DNAH3: variants seen among roughly 807,000 people sequenced by gnomAD.
DNAH3 encodes axonemal beta dynein heavy chain 3.
In DNAH3, 332 loss-of-function variants were observed where a neutral mutation model predicts 432.5. The ratio of observed to expected loss-of-function variants is 0.77; its 90% CI spans 0.70 to 0.84. The LOEUF (loss-of-function observed/expected upper bound fraction) is 0.84. DNAH3 is among the 40% of genes least tolerant of loss of function. The pLI, the probability that DNAH3 is intolerant of heterozygous loss-of-function variation, is 0.00. For synonymous variants in DNAH3, 1,956 were observed against 1,900.2 expected (o/e 1.03, Z -0.76); for missense variants, 4,861 against 5,114.0 (o/e 0.95, Z 1.51).
chr16:21,058,497 C>T (rs1027223225), intron 26 of DNAH3, among the ~76,000 whole-genome samples: 2 of 152,142 alleles, frequency 1.3e-5, no homozygotes, highest in South Asian at 2.1e-4. Flanking sequence ...CTCATAACTA[C>T]TGTTTTTTAA....
Position 21,150,238 on chromosome 16 carries a change from T to TAA in DNAH3, c.118-4152_118-4151dup, listed in dbSNP as rs397692995. ...CAAAACTCTGTCTCAAAATAAAAAA[T>TAA]AAAAAAAAAAAATACAGGTAAAACA... On this transcript the variant is annotated intron_variant, in intron 1 of 61. Transcript: ENST00000261383. The TAA allele has an allele frequency of 5.0e-3, 1,914 of 381,248 alleles. 4 individuals are homozygous for TAA. The highest frequency in any genetic ancestry group is 7.4e-3 in the South Asian group (375 of 50,568). The allele number at this position is 381,248 out of a possible 1,614,324, so 23.6% of individuals were successfully genotyped here.
chr16:21,159,260 C>G, intron 1 of DNAH3: 1 of 1,370,020 alleles, frequency 7.3e-7, no homozygotes, highest in East Asian at 2.3e-5. Context: ...ACTAAGTACT[C>G]GACTCCCCTC....
At chr16:21,049,135 T>C (rs993045298) in intron 31 of DNAH3, among the ~76,000 whole-genome samples, 1 of 151,842 alleles carries the variant, frequency 6.6e-6, no homozygotes, top group Non-Finnish European at 1.5e-5. Context: ...CTGAGGCTAT[T>C]TTATTTTTGT....
chr16:20,981,455 T>G (rs934548599), intron 49 of DNAH3, among the ~76,000 whole-genome samples: 1 of 152,182 alleles, frequency 6.6e-6, no homozygotes, highest in Non-Finnish European at 1.5e-5. Flanking sequence ...TGATTGAGCC[T>G]GGGTGCGGTG....
intron 43 of DNAH3, 110 bp from the exon 44 acceptor site, chr16:20,997,572 A>T: frequency 1.6e-6 from 2 of 1,275,536 alleles, no homozygotes; most frequent in Non-Finnish European, 2.2e-6. Flanking sequence ...CCAGGTTTCC[A>T]TTCCCCATTC....
chr16:20,976,473 A>T (rs1228258422), intron 50 of DNAH3, among the ~76,000 whole-genome samples: 1 of 152,220 alleles, frequency 6.6e-6, no homozygotes, highest in Admixed American at 6.5e-5. Flanking sequence ...GATTACAGGC[A>T]TGAGCCACTG....
At chr16:21,122,751 G>C (rs1483375116) in intron 9 of DNAH3, among the ~76,000 whole-genome samples, 1 of 151,708 alleles carries the variant, frequency 6.6e-6, no homozygotes. Context: ...CTGTTTCTCA[G>C]CTGGATATAA....
chr16:21,139,973 C>T (rs773472850), intron 5 of DNAH3, among the ~76,000 whole-genome samples: 9 of 150,724 alleles, frequency 6.0e-5, no homozygotes, highest in South Asian at 2.1e-4. Context: ...TTAGTAGAGA[C>T]GGGGTTTCAG....
intron 20 of DNAH3, among the ~76,000 whole-genome samples, chr16:21,077,012 T>C (rs1421313156): frequency 6.6e-6 from 1 of 152,118 alleles, no homozygotes; most frequent in African/African-American, 2.4e-5. Flanking sequence ...CTTTTGCCAG[T>C]CATGACAACC....
rs527442173 is a variant in DNAH3, at chr16:20,980,279, ATATAT to A, written c.7860-738_7860-734del. 1.2e-4 allele frequency among the ~76,000 whole-genome samples: 16 copies of A among 137,878 alleles called. 1 individual carries two copies. Among genetic ancestry groups the A allele is most frequent in the East Asian group, 4.1e-4 (2 of 4,874 alleles). The allele number at this position is 137,878 out of a possible 152,430, so 90.5% of individuals were successfully genotyped here. Reference sequence around the variant, plus strand: ...CATATATTATATTATAATATACATCATATATTATAATATACATCATATATTATATT... The same window carrying A: ...CATATATTATATTATAATATACATCATATAATATACATCATATATTATATT... On this transcript the variant is annotated intron_variant, in intron 49 of 61. Transcript: ENST00000261383.
At position 21,039,078 on chromosome 16, in the gene DNAH3, C is replaced by T. The variant is rs991762288; in HGVS notation, c.4730+774G>A. ...ACGTACACACTTGAAGACACTGATC[C>T]GTGTATAACTGTGTGTCTTAGAAAA... is the stretch of plus-strand genomic sequence containing the variant. On this transcript the variant is annotated intron_variant, in intron 33 of 61. Coordinates refer to ENST00000261383, the Ensembl canonical transcript of DNAH3. Among the ~76,000 whole-genome samples the T allele has an allele frequency of 4.6e-5, 7 of 152,000 alleles. No homozygotes were observed. In the South Asian group the frequency reaches 8.3e-4, roughly 18 times the overall value.
chr16:20,988,041 A>C, exon 45 of DNAH3: 2 of 1,614,150 alleles, frequency 1.2e-6, no homozygotes, highest in Non-Finnish European at 1.7e-6. Context: ...GATGGAAATG[A>C]TATTCAGATG....
At chr16:21,022,179 G>C (rs2088270690) in intron 39 of DNAH3, 79 bp from the exon 40 acceptor site, 2 of 1,488,050 alleles carry the variant, frequency 1.3e-6, no homozygotes, top group South Asian at 1.2e-5. Flanking sequence ...TCTACCTTGT[G>C]AGGCTAGAGA....
chr16:20,976,710 G>A (rs2085607516), intron 50 of DNAH3, among the ~76,000 whole-genome samples: 1 of 152,210 alleles, frequency 6.6e-6, no homozygotes, highest in South Asian at 2.1e-4. Flanking sequence ...TCATAAGGGT[G>A]AGGCCCACAT....
At chr16:20,947,747 C>T (rs1462416183) in intron 57 of DNAH3, among the ~76,000 whole-genome samples, 1 of 151,812 alleles carries the variant, frequency 6.6e-6, no homozygotes, top group East Asian at 1.9e-4. Context: ...TTCTGTTCCA[C>T]AGGTCATCAA....
chr16:21,136,678 A>G (rs730260), intron 5 of DNAH3, 165 bp from the exon 7 acceptor site: 165,005 of 653,566 alleles, frequency 0.25, 21,494 homozygotes, highest in East Asian at 0.33. Context: ...TCATGGCAAG[A>G]AGATCACTGG....
intron 44 of DNAH3, among the ~76,000 whole-genome samples, chr16:20,989,027 G>A (rs940649942): frequency 3.4e-4 from 51 of 152,188 alleles, no homozygotes; most frequent in African/African-American, 1.2e-3. Context: ...AAGCAGTGTG[G>A]ACCCACAGAG....
At chr16:20,994,412 C>A (rs2086679043) in intron 44 of DNAH3, among the ~76,000 whole-genome samples, 1 of 151,966 alleles carries the variant, frequency 6.6e-6, no homozygotes, top group Admixed American at 6.6e-5. Flanking sequence ...GCCTGGGCGA[C>A]AAGAGCGAGA....
chr16:20,954,947 G>C, exon 55 of DNAH3: 1 of 1,614,198 alleles, frequency 6.2e-7, no homozygotes, highest in Non-Finnish European at 8.5e-7. Context: ...ATTGAGGTAG[G>C]AGCGCAACAG....
Sources: allele counts gnomAD v4.1 joint callset (sites outside exome capture counted in the v4.1 genomes callset), GRCh38; gene constraint gnomAD v4.1.1; transcripts MANE v1.5; gene names NCBI Gene and HGNC (gene_info 2026-07-23, HGNC 2026-07-21).